Variants in EP300 observed in about 807,000 individuals in gnomAD.
EP300 encodes the protein EP300 lysine acetyltransferase, also known as histone acetyltransferase p300.
A neutral mutation model predicts 264.0 loss-of-function variants in EP300; 31 were observed. The observed-to-expected ratio is 0.12, with a 90% CI of 0.09 to 0.16. The LOEUF (loss-of-function observed/expected upper bound fraction) is 0.16, where lower values mean the gene tolerates loss of function less well. EP300 is among the 10% of genes least tolerant of loss of function. EP300 has a pLI of 1.00. For missense variants in EP300, 2,766 were observed against 3,052.9 expected, an observed-to-expected ratio of 0.91 and a Z score of 2.21; for synonymous variants, 1,340 against 1,045.4, an observed-to-expected ratio of 1.28 and a Z score of -5.44.
intron 16 of EP300, among the ~76,000 whole-genome samples, chr22:41,154,223 G>T (rs1467585768): frequency 6.6e-6 from 1 of 151,912 alleles, no homozygotes; most frequent in Admixed American, 6.6e-5. Context: ...TTGAACGAAG[G>T]AGTCTTCTCT....
intron 2 of EP300, among the ~76,000 whole-genome samples, chr22:41,120,673 C>G (rs904798483): frequency 3.2e-4 from 48 of 152,056 alleles, no homozygotes; most frequent in African/African-American, 1.1e-3. Context: ...TGCCTTTTAC[C>G]CCAATCTTTA....
chr22:41,162,857 C>T, intron 21 of EP300, 78 bp downstream of exon 21: 1 of 1,189,140 alleles, frequency 8.4e-7, no homozygotes, highest in African/African-American at 1.5e-5. Flanking sequence ...TTTGCATGAC[C>T]AATCAGATGA....
At position 41,106,679 on chromosome 22, in the gene EP300, A is replaced by G. The variant is rs374041908; in HGVS notation, c.95-10508A>G. Among the ~76,000 whole-genome samples, 11 of 152,182 alleles carry G rather than the reference A, an allele frequency of 7.2e-5. No individual in the cohort carries two copies. In the South Asian group the frequency reaches 2.3e-3, roughly 32 times the overall value. ...CGTCCAGGCTGTAGTGCAGTGGCGC[A>G]ATCTTGGCTCACGGCAGCCTCGACC... On this transcript the variant is annotated intron_variant, in intron 1 of 30. Coordinates refer to ENST00000263253, the MANE Select transcript of EP300 (RefSeq NM_001429.4).
At chr22:41,165,167 GCTTTC>G (rs1326331542) in intron 22 of EP300, among the ~76,000 whole-genome samples, 2 of 152,186 alleles carry the variant, frequency 1.3e-5, no homozygotes, top group East Asian at 1.9e-4. Context: ...CCTTTTTAGT[GCTTTC>G]CTTAACAGAT....
chr22:41,124,763 A>G (rs1192165118), intron 2 of EP300, among the ~76,000 whole-genome samples: 1 of 152,254 alleles, frequency 6.6e-6, no homozygotes. Flanking sequence ...ATGAATGGCA[A>G]ACCTTGTTTA....
chr22:41,146,907 C>A, intron 11 of EP300, 91 bp downstream of exon 11: 1 of 1,118,204 alleles, frequency 8.9e-7, no homozygotes, highest in Non-Finnish European at 1.3e-6. Context: ...TTTATGCCAA[C>A]AGCAAGTGTC....
chr22:41,175,101 G>C (rs996678020), intron 29 of EP300, among the ~76,000 whole-genome samples: 3 of 152,172 alleles, frequency 2.0e-5, no homozygotes, highest in African/African-American at 7.2e-5. Context: ...GCTATTTCAA[G>C]CAGTAAGTAA....
chr22:41,099,808 A>G (rs774379720), intron 1 of EP300, among the ~76,000 whole-genome samples: 7 of 152,228 alleles, frequency 4.6e-5, no homozygotes, highest in Non-Finnish European at 8.8e-5. Context: ...TGACAATCTG[A>G]TAACTGAGAT....
At chr22:41,163,790 A>G (rs1008275754) in intron 21 of EP300, among the ~76,000 whole-genome samples, 1 of 151,994 alleles carries the variant, frequency 6.6e-6, no homozygotes, top group Non-Finnish European at 1.5e-5. Flanking sequence ...GTATGTGCCT[A>G]TCCTAGCCAG....
At chr22:41,122,259 A>G (rs1413813083) in intron 2 of EP300, among the ~76,000 whole-genome samples, 2 of 139,938 alleles carry the variant, frequency 1.4e-5, no homozygotes, top group African/African-American at 5.4e-5. Context: ...TCTGCCTCCC[A>G]GGTTTAAGTG....
In EP300 at chr22:41,127,521, G is replaced by A. The variant is rs1022243558; in HGVS notation, c.941G>A (p.Gly314Asp). Residue 314 changes from glycine to aspartate, a missense_variant, in exon 4 of 31, where the codon GGC (glycine) becomes GAC (aspartate). Gly to Asp is a moderately conservative substitution (Grantham distance 94). Coordinates refer to ENST00000263253, the MANE Select transcript of EP300 (RefSeq NM_001429.4). Reference protein sequence around the residue: ...QQPAPQVQQPGLVTPVAQGMG... With the variant: ...QQPAPQVQQPDLVTPVAQGMG... ...CCAGCCCCGCAGGTCCAGCAGCCAG[G>A]CCTGGTGACTCCAGTTGCCCAAGGG... 1 of 1,614,048 alleles carries A rather than the reference G, an allele frequency of 6.2e-7. No individual in the cohort carries two copies. The highest frequency in any genetic ancestry group is 8.5e-7 in the Non-Finnish European group (1 of 1,180,042).
chr22:41,165,212 G>A (rs565791647), intron 22 of EP300, among the ~76,000 whole-genome samples: 7 of 152,136 alleles, frequency 4.6e-5, no homozygotes, highest in East Asian at 1.9e-4. Flanking sequence ...GACTTCTTGT[G>A]GTTCTTCTAA....
chr22:41,178,212 GATGAAC>G lies in EP300; in HGVS notation c.6508_6513del (p.Met2170_Asn2171del), dbSNP rs1485987140. 4 of 1,614,052 alleles carry G rather than the reference GATGAAC, an allele frequency of 2.5e-6. No homozygotes were observed. The African/African-American group carries it at 4.0e-5, about 16-fold the overall frequency. ...GAGGGATGAGCCCCCAGGCTCAGCA[GATGAAC>G]ATGAACCACAACACCATGCCTTCAC... On this transcript the variant is annotated inframe_deletion, in exon 31 of 31. Coordinates refer to ENST00000263253, the MANE Select transcript of EP300 (RefSeq NM_001429.4).
At chr22:41,098,392 G>C (rs2058713551) in intron 1 of EP300, among the ~76,000 whole-genome samples, 1 of 152,010 alleles carries the variant, frequency 6.6e-6, no homozygotes, top group Non-Finnish European at 1.5e-5. Context: ...TTTTTTTTGA[G>C]ACGGAGTCTC....
At chr22:41,144,631 A>G (rs1220603127) in intron 10 of EP300, among the ~76,000 whole-genome samples, 2 of 151,818 alleles carry the variant, frequency 1.3e-5, no homozygotes, top group African/African-American at 4.8e-5. Flanking sequence ...TGCTGAAATT[A>G]CAGGTGTGAC....
At chr22:41,147,438 T>G (rs1008132392) in intron 11 of EP300, among the ~76,000 whole-genome samples, 2 of 152,016 alleles carry the variant, frequency 1.3e-5, no homozygotes, top group Non-Finnish European at 2.9e-5. Flanking sequence ...GCCAGTTTAT[T>G]AGTCCTGATA....
intron 1 of EP300, among the ~76,000 whole-genome samples, chr22:41,104,187 G>A (rs923105595): frequency 6.6e-6 from 1 of 152,080 alleles, no homozygotes; most frequent in Non-Finnish European, 1.5e-5. Context: ...AATGTTCAGT[G>A]ACAGTTAAGT....
rs886057578 is a variant in EP300 at position 41,179,876 on chromosome 22, C to CCACACACACACACA, written c.*923_*924insACACACACACACAC. ...GCTTTCTTCCTCCTTACCCTACCCC[C>CCACACACACACACA]CACTCACACACACACACACACACAC... is the stretch of plus-strand genomic sequence containing the variant. On this transcript the variant is annotated 3_prime_UTR_variant, in exon 31 of 31. Transcript: ENST00000263253. 1.5e-5 allele frequency: 2 copies of CCACACACACACACA among 131,172 alleles called. No homozygotes were observed. Among genetic ancestry groups the CCACACACACACACA allele is most frequent in the African/African-American group, 7.2e-5 (2 of 27,930 alleles). 8.1% of individuals were successfully genotyped at this position (131,172 alleles called of 1,614,324 possible).
chr22:41,173,805 G>A (rs2145772211), intron 29 of EP300, 21 bp downstream of exon 29: 1 of 1,613,736 alleles, frequency 6.2e-7, no homozygotes, highest in Non-Finnish European at 8.5e-7. Context: ...GCCACCCAGA[G>A]TTGGGGAAAA....
Sources: gnomAD v4.1 joint callset for allele counts (sites outside exome capture counted in the v4.1 genomes callset) on GRCh38, gnomAD v4.1.1 for gene constraint, MANE v1.5 for transcripts, NCBI Gene and HGNC (gene_info 2026-07-23, HGNC 2026-07-21) for gene names.